Variants in GRM8 observed in about 807,000 individuals in gnomAD.
GRM8 encodes the protein glutamate metabotropic receptor 8.
In GRM8, 47 loss-of-function variants were observed where a neutral mutation model predicts 87.2. That is an observed-to-expected ratio of 0.54 (90% confidence interval 0.43 to 0.69). The LOEUF (loss-of-function observed/expected upper bound fraction) is 0.69, where lower values mean the gene tolerates loss of function less well. Ranked by LOEUF, GRM8 falls within the 30% of genes least tolerant of loss-of-function variation. The probability of loss-of-function intolerance (pLI) is 0.00; values close to 1 mark genes in which losing one functional copy is unlikely to be tolerated. For missense variants in GRM8, 1,019 were observed against 1,139.2 expected (o/e 0.89, Z 1.52); for synonymous variants, 396 against 404.5 (o/e 0.98, Z 0.25).
intron 7 of GRM8, among the ~76,000 whole-genome samples, chr7:126,751,659 T>C (rs1816431343): frequency 6.6e-6 from 1 of 152,182 alleles, no homozygotes. Flanking sequence ...TGCACTTTAT[T>C]ACTAGCTATG....
chr7:126,806,965 T>C (rs1465882616), intron 6 of GRM8, among the ~76,000 whole-genome samples: 2 of 152,178 alleles, frequency 1.3e-5, no homozygotes, highest in East Asian at 1.9e-4. Flanking sequence ...AGCGGTGGGC[T>C]GAAGGGCTCC....
intron 1 of GRM8, among the ~76,000 whole-genome samples, chr7:127,246,212 T>G (rs1798575948): frequency 1.3e-5 from 2 of 152,382 alleles, no homozygotes; most frequent in South Asian, 4.1e-4. Context: ...TAGGTTTCAT[T>G]GTATAATCTT....
chr7:126,629,488 G>T (rs1382011338), intron 7 of GRM8, among the ~76,000 whole-genome samples: 1 of 151,884 alleles, frequency 6.6e-6, no homozygotes, highest in Non-Finnish European at 1.5e-5. Flanking sequence ...GTTTGAATAA[G>T]GTATAGTCTT....
chr7:126,918,018 C>T (rs1441829602), intron 3 of GRM8, among the ~76,000 whole-genome samples: 1 of 152,176 alleles, frequency 6.6e-6, no homozygotes, highest in Non-Finnish European at 1.5e-5. Context: ...TAAAAAGACA[C>T]AGTCCCTCAT....
intron 7 of GRM8, among the ~76,000 whole-genome samples, chr7:126,725,453 G>A (rs1348771968): frequency 6.6e-6 from 1 of 152,110 alleles, no homozygotes; most frequent in Non-Finnish European, 1.5e-5. Context: ...GCTAAAAGTG[G>A]AAGGAATACA....
chr7:126,586,257 C>T (rs1465848732), intron 8 of GRM8, among the ~76,000 whole-genome samples: 1 of 152,078 alleles, frequency 6.6e-6, no homozygotes, highest in Admixed American at 6.6e-5. Flanking sequence ...CCATACTGCC[C>T]AAGGTAATTT....
intron 8 of GRM8, among the ~76,000 whole-genome samples, chr7:126,541,828 C>T (rs1816577707): frequency 6.6e-6 from 1 of 152,154 alleles, no homozygotes; most frequent in Admixed American, 6.5e-5. Flanking sequence ...CTAAATACTT[C>T]GTTAGTGCTA....
intron 3 of GRM8, among the ~76,000 whole-genome samples, chr7:127,038,851 G>A (rs1286814687): frequency 1.3e-5 from 2 of 152,194 alleles, no homozygotes; most frequent in African/African-American, 4.8e-5. Context: ...AATAATGACA[G>A]TGGATAGTGA....
chr7:126,473,502 G>A (rs7797065), intron 9 of GRM8, among the ~76,000 whole-genome samples: 3,222 of 152,264 alleles, frequency 0.021, 102 homozygotes, highest in African/African-American at 0.073. Flanking sequence ...TAACTAACTT[G>A]CTTTTGATTA....
intron 6 of GRM8, among the ~76,000 whole-genome samples, chr7:126,837,066 AT>A (rs11387694): frequency 3.2e-4 from 49 of 151,474 alleles, no homozygotes; most frequent in African/African-American, 1.0e-3. Context: ...TTAAGACATT[AT>A]TTTTTTTTCT....
Position 126,438,838 on chromosome 7 carries a change from C to A in GRM8, c.*281G>T. 3.2e-6 allele frequency: 1 copy of A among 313,356 alleles called. No individual in the cohort carries two copies. The allele number at this position is 313,356 out of a possible 1,614,324, so 19.4% of individuals were successfully genotyped here. A position where few individuals can be genotyped will look rare whatever the true frequency, so the allele number is the denominator to read the frequency against. ...TATTTATTTCAACAGCATTTTTTTT[C>A]ACGAGCTAACATTAGTTTTCCTTTT... On this transcript the variant is annotated 3_prime_UTR_variant, in exon 11 of 11. Transcript: ENST00000339582.
chr7:126,918,388 A>G (rs1043404830), intron 3 of GRM8, among the ~76,000 whole-genome samples: 9 of 152,336 alleles, frequency 5.9e-5, no homozygotes, highest in Admixed American at 5.2e-4. Context: ...ATGATGTAAT[A>G]AACACCCTGC....
At chr7:126,700,441 T>G (rs911990731) in intron 7 of GRM8, among the ~76,000 whole-genome samples, 1 of 152,202 alleles carries the variant, frequency 6.6e-6, no homozygotes, top group Non-Finnish European at 1.5e-5. Flanking sequence ...TTTTTTAATC[T>G]CACTTTAAAA....
intron 6 of GRM8, among the ~76,000 whole-genome samples, chr7:126,828,012 A>C (rs1457078950): frequency 6.6e-6 from 1 of 152,142 alleles, no homozygotes; most frequent in Admixed American, 6.5e-5. Flanking sequence ...GCTGGATTAC[A>C]TTTGTTGATT....
intron 8 of GRM8, among the ~76,000 whole-genome samples, chr7:126,597,913 G>A (rs1475594164): frequency 6.6e-6 from 1 of 151,950 alleles, no homozygotes; most frequent in African/African-American, 2.4e-5. Flanking sequence ...TCATTTCTTT[G>A]TGTTGGGAAC....
chr7:126,566,152 A>C (rs1007131521), intron 8 of GRM8, among the ~76,000 whole-genome samples: 2 of 152,218 alleles, frequency 1.3e-5, no homozygotes, highest in African/African-American at 4.8e-5. Flanking sequence ...TGACATCCAA[A>C]GCATTGGCGA....
At chr7:126,758,502 C>T (rs2151566160) in intron 7 of GRM8, among the ~76,000 whole-genome samples, 1 of 151,750 alleles carries the variant, frequency 6.6e-6, no homozygotes, top group Non-Finnish European at 1.5e-5. Context: ...CAAGGGCAAA[C>T]AGAGAAATAC....
chr7:126,750,242 C>T (rs951548172), intron 7 of GRM8, among the ~76,000 whole-genome samples: 1 of 151,994 alleles, frequency 6.6e-6, no homozygotes, highest in Non-Finnish European at 1.5e-5. Flanking sequence ...AGATATAACT[C>T]CATTCATATT....
chr7:126,960,074 T>A (rs1809148343), intron 3 of GRM8, among the ~76,000 whole-genome samples: 1 of 152,162 alleles, frequency 6.6e-6, no homozygotes, highest in African/African-American at 2.4e-5. Flanking sequence ...TAGCACCTGA[T>A]GCTACACATT....
Sources: allele counts gnomAD v4.1 joint callset (sites outside exome capture counted in the v4.1 genomes callset), GRCh38; gene constraint gnomAD v4.1.1; transcripts MANE v1.5; gene names NCBI Gene and HGNC (gene_info 2026-07-23, HGNC 2026-07-21).